Variants in AGBL4 observed in about 807,000 individuals in gnomAD.
AGBL4 encodes the protein cytosolic carboxypeptidase 6.
A neutral mutation model predicts 66.4 loss-of-function variants in AGBL4; 58 were observed. That is an observed-to-expected ratio of 0.87 (90% CI 0.71 to 1.09). The LOEUF (loss-of-function observed/expected upper bound fraction) is 1.09. Ranked by LOEUF, AGBL4 falls within the 50% of genes least tolerant of loss-of-function variation. The pLI is 0.00. For synonymous variants in AGBL4, 234 were observed against 222.9 expected, an observed-to-expected ratio of 1.05 and a Z score of -0.44; for missense variants, 579 against 631.0, an observed-to-expected ratio of 0.92 and a Z score of 0.88.
At chr1:48,570,918 G>A (rs1461187854) in intron 11 of AGBL4, among the ~76,000 whole-genome samples, 3 of 152,282 alleles carry the variant, frequency 2.0e-5, no homozygotes, top group South Asian at 2.1e-4. Context: ...CTGGCTTCGT[G>A]TGCCTCTGTA....
intron 4 of AGBL4, among the ~76,000 whole-genome samples, chr1:49,090,895 G>A (rs889373383): frequency 2.8e-4 from 43 of 152,062 alleles, no homozygotes; most frequent in Non-Finnish European, 2.1e-4. Flanking sequence ...TATACACATA[G>A]ACCAATGGAA....
At position 49,071,910 on chromosome 1, in the gene AGBL4, T is replaced by G. The variant is rs955568586; in HGVS notation, c.378-26110A>C. Among the ~76,000 whole-genome samples, 3 of 152,186 alleles carry G rather than the reference T, an allele frequency of 2.0e-5. No individual in the cohort carries two copies. The South Asian group carries it at 6.2e-4, about 32-fold the overall frequency. On this transcript the variant is annotated intron_variant, in intron 4 of 13. Transcript: ENST00000371839. ...CTTTGTATGTCTCTAAGAATTTGCT[T>G]TGTGAATCTGGGTGGTCCTGTATTG... is the stretch of plus-strand genomic sequence containing the variant.
At chr1:48,944,255 GGAAGT>G (rs111393502) in intron 5 of AGBL4, among the ~76,000 whole-genome samples, 13,708 of 152,130 alleles carry the variant, frequency 0.09, 732 homozygotes, top group East Asian at 0.16. Flanking sequence ...GTGGGGCCAA[GGAAGT>G]CTTCACAGAG....
intron 2 of AGBL4, among the ~76,000 whole-genome samples, chr1:49,816,564 C>T (rs1645237306): frequency 6.6e-6 from 1 of 152,038 alleles, no homozygotes; most frequent in African/African-American, 2.4e-5. Flanking sequence ...ATCTAGAGGG[C>T]AAGGGTTCAG....
intron 3 of AGBL4, among the ~76,000 whole-genome samples, chr1:49,537,059 C>T (rs1651651574): frequency 6.6e-6 from 1 of 151,184 alleles, no homozygotes; most frequent in South Asian, 2.1e-4. Flanking sequence ...ACACCTTAGT[C>T]AATAAACTGT....
chr1:49,479,598 T>C (rs950080796), intron 3 of AGBL4, among the ~76,000 whole-genome samples: 1 of 152,022 alleles, frequency 6.6e-6, no homozygotes, highest in African/African-American at 2.4e-5. Context: ...AGGATAACGG[T>C]GTCCAGCCCC....
intron 6 of AGBL4, among the ~76,000 whole-genome samples, chr1:48,683,245 C>T (rs1290345923): frequency 6.6e-6 from 1 of 152,202 alleles, no homozygotes; most frequent in Non-Finnish European, 1.5e-5. Flanking sequence ...TTCCCTCCTG[C>T]CCCCAACAGC....
chr1:49,208,464 C>G (rs1445470175), intron 4 of AGBL4, among the ~76,000 whole-genome samples: 1 of 152,028 alleles, frequency 6.6e-6, no homozygotes, highest in African/African-American at 2.4e-5. Context: ...GCAGGCAGCT[C>G]TCAGACAACA....
intron 6 of AGBL4, among the ~76,000 whole-genome samples, chr1:48,777,587 C>A (rs1645158905): frequency 6.6e-6 from 1 of 152,148 alleles, no homozygotes; most frequent in African/African-American, 2.4e-5. Context: ...TCCCCTAGAG[C>A]TGCCAAACCA....
intron 4 of AGBL4, 71 bp downstream of exon 4, chr1:49,245,699 G>T: frequency 9.8e-7 from 1 of 1,021,154 alleles, no homozygotes; most frequent in Non-Finnish European, 1.4e-6. Context: ...TCCATTAGTA[G>T]GTGTGTATAT....
intron 5 of AGBL4, among the ~76,000 whole-genome samples, chr1:48,983,541 A>G (rs1026845573): frequency 3.3e-5 from 5 of 151,858 alleles, no homozygotes; most frequent in African/African-American, 7.3e-5. Context: ...ATTATGGGGG[A>G]AAAAAACCTT....
intron 3 of AGBL4, among the ~76,000 whole-genome samples, chr1:49,279,653 A>T (rs1194712148): frequency 1.3e-5 from 2 of 151,988 alleles, no homozygotes; most frequent in East Asian, 1.9e-4. Context: ...CACTTCTAAA[A>T]TGAAGATAAA....
At chr1:48,679,763 G>A (rs368967363) in intron 6 of AGBL4, among the ~76,000 whole-genome samples, 31 of 152,336 alleles carry the variant, frequency 2.0e-4, no homozygotes, top group Non-Finnish European at 3.7e-4. Context: ...CATTAGCACG[G>A]CACTGGCACA....
At chr1:49,512,985 C>G (rs1188341410) in intron 3 of AGBL4, among the ~76,000 whole-genome samples, 1 of 152,008 alleles carries the variant, frequency 6.6e-6, no homozygotes, top group Admixed American at 6.6e-5. Flanking sequence ...CTTGAAGAAA[C>G]TCTATTATAT....
At chr1:48,702,584 C>G (rs1302420042) in intron 6 of AGBL4, among the ~76,000 whole-genome samples, 1 of 152,144 alleles carries the variant, frequency 6.6e-6, no homozygotes, top group Non-Finnish European at 1.5e-5. Flanking sequence ...GCATGAGCCA[C>G]CGTGCCTGGC....
intron 4 of AGBL4, among the ~76,000 whole-genome samples, chr1:49,184,878 T>C (rs1646987721): frequency 6.6e-6 from 1 of 152,196 alleles, no homozygotes; most frequent in Admixed American, 6.5e-5. Flanking sequence ...AAATGTCCTA[T>C]AAAATTGCCA....
intron 1 of AGBL4, among the ~76,000 whole-genome samples, chr1:49,883,525 A>G (rs185583661): frequency 6.6e-6 from 1 of 152,156 alleles, no homozygotes; most frequent in African/African-American, 2.4e-5. Context: ...TCTTTTTATC[A>G]CTACTTTCCC....
chr1:49,774,837 T>C (rs975436939), intron 2 of AGBL4, among the ~76,000 whole-genome samples: 2 of 152,144 alleles, frequency 1.3e-5, no homozygotes, highest in African/African-American at 4.8e-5. Flanking sequence ...TATGACAAAG[T>C]ATAAAAATAT....
intron 9 of AGBL4, among the ~76,000 whole-genome samples, chr1:48,621,321 T>C (rs1645410022): frequency 1.3e-5 from 2 of 152,186 alleles, no homozygotes; most frequent in Non-Finnish European, 2.9e-5. Context: ...TTCTATCATA[T>C]GGGTTGGGCT....
Sources: allele counts gnomAD v4.1 joint callset (sites outside exome capture counted in the v4.1 genomes callset), GRCh38; gene constraint gnomAD v4.1.1; transcripts MANE v1.5; gene names NCBI Gene and HGNC (gene_info 2026-07-23, HGNC 2026-07-21).